DNAH10: variants seen among roughly 807,000 people sequenced by gnomAD.
DNAH10 encodes dynein axonemal heavy chain 10.
In DNAH10, 348 loss-of-function variants were observed where a neutral mutation model predicts 506.6. That is an observed-to-expected ratio of 0.69 (90% CI 0.63 to 0.75). DNAH10 has a LOEUF of 0.75. DNAH10 is among the 30% of genes least tolerant of loss of function. The pLI, the probability that DNAH10 is intolerant of heterozygous loss-of-function variation, is 0.00. For missense variants in DNAH10, 5,179 were observed against 5,787.1 expected (o/e 0.89, Z 3.41); for synonymous variants, 2,059 against 2,198.6 (o/e 0.94, Z 1.78).
rs369076491 is a variant in DNAH10, at chr12:123,914,438, C to T, written c.10462C>T (p.Arg3488Cys). ...SYEGAFTWEF[R>C]DEMVNRIWQN... is the part of the protein sequence containing the mutation. ...CGAGGGAGCCTTCACCTGGGAGTTC[C>T]GTGACGAGATGGTCAATCGGATTTG... The change falls in exon 61 of 79, where the codon CGT (arginine) becomes TGT (cysteine). Residue 3488 changes from arginine to cysteine, a missense_variant. Transcript: ENST00000673944. 22 of 1,613,652 alleles carry T rather than the reference C, an allele frequency of 1.4e-5. No homozygotes were observed. Among genetic ancestry groups the T allele is most frequent in the East Asian group, 2.2e-5 (1 of 44,892 alleles).
Position 123,785,640 on chromosome 12 carries a change from A to C in DNAH10, c.1231-106A>C. The C allele has an allele frequency of 1.0e-5, 9 of 874,976 alleles. No homozygotes were observed. The highest frequency in any genetic ancestry group is 1.2e-5 in the Non-Finnish European group (8 of 654,564). 54.2% of individuals were successfully genotyped at this position (874,976 alleles called of 1,614,324 possible). ...GGCACCAGACTTGGTCTCAAGGAAA[A>C]AAAAAAAAAAAAAAGAGTGAAACTT... On this transcript the variant is annotated intron_variant, in intron 8 of 78. Coordinates refer to ENST00000673944, the MANE Select transcript of DNAH10 (RefSeq NM_001372106.1). This position sits in a 1 kb window ranked among gnomAD's most constrained non-coding sequence, Gnocchi z 4.1.
At position 123,913,478 on chromosome 12, in the gene DNAH10, T is replaced by G. The variant is rs1263919910; in HGVS notation, c.10352+163T>G. Reference sequence around the variant, plus strand: ...CATGTTTATGGCAGCTAATGGCTATTTTATAGGCTCTTGTTTGTATTAGGC... The same window carrying G: ...CATGTTTATGGCAGCTAATGGCTATGTTATAGGCTCTTGTTTGTATTAGGC... On this transcript the variant is annotated intron_variant, in intron 60 of 78. Transcript: ENST00000673944. The surrounding 1 kb of genome is among the most constrained non-coding windows in gnomAD (Gnocchi z 5.1). 6.6e-6 allele frequency among the ~76,000 whole-genome samples: 1 copy of G among 152,204 alleles called. No individual in the cohort carries two copies. Among genetic ancestry groups the G allele is most frequent in the East Asian group, 1.9e-4 (1 of 5,196 alleles).
intron 39 of DNAH10, among the ~76,000 whole-genome samples, chr12:123,863,090 C>T (rs1951675240): frequency 6.6e-6 from 1 of 151,948 alleles, no homozygotes; most frequent in African/African-American, 2.4e-5. Flanking sequence ...AGGAAATAAA[C>T]CAAAATGTTA....
chr12:123,924,145 C>A, intron 66 of DNAH10, 133 bp from the exon 67 acceptor site: 1 of 1,269,334 alleles, frequency 7.9e-7, no homozygotes, highest in Non-Finnish European at 1.1e-6. Context: ...CGAGGGCAAG[C>A]CTGGGCCACT....
At position 123,910,684 on chromosome 12, in the gene DNAH10, A is replaced by G. The variant is rs1198368712; in HGVS notation, c.10134+12A>G. 6.2e-7 allele frequency: 1 copy of G among 1,609,426 alleles called. No individual in the cohort carries two copies. Among genetic ancestry groups the G allele is most frequent in the African/African-American group, 1.4e-5 (1 of 72,490 alleles). On this transcript the variant is annotated intron_variant, in intron 59 of 78. Coordinates refer to ENST00000673944, the MANE Select transcript of DNAH10 (RefSeq NM_001372106.1). ...CCAAAAGAGAGAAGGTATTGCCCGA[A>G]TGTAAGACTGCCACACCACTGCCAA...
intron 47 of DNAH10, 85 bp downstream of exon 47, chr12:123,875,576 A>G: frequency 6.5e-7 from 1 of 1,540,570 alleles, no homozygotes; most frequent in Non-Finnish European, 8.8e-7. Flanking sequence ...CCATGTAGGC[A>G]CAGCAGGGTT....
At position 123,780,052 on chromosome 12, in the gene DNAH10, C is replaced by T. The variant is rs116538697; in HGVS notation, c.622-1028C>T. Reference sequence around the variant, plus strand: ...CTACATTTTGAAGAAACTATGTCCTCAAGAACTTAATTTTCAAGAACAAGA... The same window carrying T: ...CTACATTTTGAAGAAACTATGTCCTTAAGAACTTAATTTTCAAGAACAAGA... On this transcript the variant is annotated intron_variant, in intron 5 of 78. Coordinates refer to ENST00000673944, the MANE Select transcript of DNAH10 (RefSeq NM_001372106.1). Among the ~76,000 whole-genome samples, 791 of 152,180 alleles carry T rather than the reference C, an allele frequency of 5.2e-3. 7 individuals carry two copies. The highest frequency in any genetic ancestry group is 0.018 in the African/African-American group (746 of 41,510).
rs1234984584 is a variant in DNAH10 at position 123,934,351 on chromosome 12, G to GA, written c.13478-268dup. The stretch of plus-strand genomic sequence containing the variant: ...AAGTCCGTGGGCCTTGATGCCCCAG[G>GA]AATGAGGATTCCTGGGGGAGAGGCC... On this transcript the variant is annotated intron_variant, in intron 77 of 78. Transcript: ENST00000673944. 4.5e-6 allele frequency: 3 copies of GA among 664,376 alleles called. No individual in the cohort carries two copies. The Admixed American group carries it at 6.6e-5, about 15-fold the overall frequency. The allele number at this position is 664,376 out of a possible 1,614,324, so 41.2% of individuals were successfully genotyped here. A position where few individuals can be genotyped will look rare whatever the true frequency, so the allele number is the denominator to read the frequency against.
intron 69 of DNAH10, chr12:123,927,822 G>A (rs570980914): frequency 6.5e-6 from 1 of 153,920 alleles, no homozygotes; most frequent in South Asian, 2.1e-4. Context: ...GGCAAGCCCT[G>A]GGCACCAGCA....
chr12:123,828,870 C>G (rs1960244937), intron 25 of DNAH10, among the ~76,000 whole-genome samples: 8 of 152,112 alleles, frequency 5.3e-5, no homozygotes, highest in Admixed American at 5.2e-4. Flanking sequence ...AGGAGACTTT[C>G]CCTTCGATGT....
At chr12:123,876,131 G>A (rs772617023) in intron 47 of DNAH10, among the ~76,000 whole-genome samples, 1 of 152,180 alleles carries the variant, frequency 6.6e-6, no homozygotes, top group Non-Finnish European at 1.5e-5. Flanking sequence ...GGCTCCAGGG[G>A]CCAGGTGGGT....
chr12:123,806,661 T>A (rs186660749), intron 18 of DNAH10, among the ~76,000 whole-genome samples: 1 of 152,324 alleles, frequency 6.6e-6, no homozygotes, highest in African/African-American at 2.4e-5. Flanking sequence ...ATAACTCTGT[T>A]TTCTGTGTAT....
rs372806836 is a variant in DNAH10 at position 123,857,366 on chromosome 12, A to G, written c.6630+119A>G. ...ACGCATAAGTTTCACCATCTTAACC[A>G]TTTTTCCCCATTTTTAAATCACAGT... On this transcript the variant is annotated intron_variant, in intron 37 of 78. Transcript: ENST00000673944. 8.2e-5 allele frequency: 69 copies of G among 837,862 alleles called. 1 individual carries two copies. Among genetic ancestry groups the G allele is most frequent in the Non-Finnish European group, 1.0e-4 (60 of 588,308 alleles). The allele number at this position is 837,862 out of a possible 1,614,324, so 51.9% of individuals were successfully genotyped here.
chr12:123,796,520 C>A, intron 12 of DNAH10, 136 bp from the exon 13 acceptor site: 1 of 725,712 alleles, frequency 1.4e-6, no homozygotes, highest in South Asian at 2.2e-5. Context: ...AATAAGTAAA[C>A]AGTGAAAACA....
At chr12:123,886,665 C>A (rs1443133099) in intron 51 of DNAH10, among the ~76,000 whole-genome samples, 2 of 150,262 alleles carry the variant, frequency 1.3e-5, no homozygotes, top group African/African-American at 5.0e-5. Context: ...TCTCTCAGTT[C>A]CTGGAAATCT....
chr12:123,779,841 A>G (rs1163032149), intron 5 of DNAH10, among the ~76,000 whole-genome samples: 1 of 152,214 alleles, frequency 6.6e-6, no homozygotes, highest in African/African-American at 2.4e-5. Flanking sequence ...AAAGAGTCAT[A>G]AAAAGATGTA....
In DNAH10 at chr12:123,935,388, A is replaced by C; in HGVS notation, c.13677A>C (p.Gly4559=). The C allele has an allele frequency of 1.2e-6, 2 of 1,611,832 alleles. No homozygotes were observed. The highest frequency in any genetic ancestry group is 1.7e-6 in the Non-Finnish European group (2 of 1,178,020). ...CCTCCATGAGAAGGAACGCCATGGG[A>C]GTCGGCTTGGTTTTTGAAGCTGATC... The part of the protein sequence containing the change: ...YTTSMRRNAM[G]VGLVFEADLF... The change falls in exon 79 of 79, where the codon GGA becomes GGC. Residue 4559 remains glycine, a synonymous_variant. Coordinates refer to ENST00000673944, the MANE Select transcript of DNAH10 (RefSeq NM_001372106.1).
chr12:123,816,799 A>G (rs1390255687), intron 21 of DNAH10, among the ~76,000 whole-genome samples: 1 of 152,194 alleles, frequency 6.6e-6, no homozygotes, highest in Non-Finnish European at 1.5e-5. Flanking sequence ...TCTATTGAGT[A>G]TAGGCCTAGA....
At chr12:123,837,009 G>A (rs1001253241) in intron 28 of DNAH10, among the ~76,000 whole-genome samples, 6 of 151,120 alleles carry the variant, frequency 4.0e-5, no homozygotes, top group East Asian at 2.0e-4. Context: ...CCAACACCAC[G>A]CCCGGCTAAT....
Sources: allele counts gnomAD v4.1 joint callset (sites outside exome capture counted in the v4.1 genomes callset), GRCh38; gene constraint gnomAD v4.1.1; non-coding constraint Gnocchi (gnomAD v3.1); transcripts MANE v1.5; gene names NCBI Gene and HGNC (gene_info 2026-07-23, HGNC 2026-07-21).